CBARP: variants seen among roughly 807,000 people sequenced by gnomAD.
CBARP encodes CACN subunit beta associated regulatory protein.
In CBARP, 24 loss-of-function variants were observed where a neutral mutation model predicts 36.3. The observed-to-expected ratio is 0.66, with a 90% CI of 0.48 to 0.93. The LOEUF is 0.93. Ranked by LOEUF, CBARP falls within the 40% of genes least tolerant of loss-of-function variation. The pLI is 0.00. For synonymous variants in CBARP, 586 were observed against 453.2 expected (o/e 1.29, Z -3.72); for missense variants, 1,146 against 980.4 (o/e 1.17, Z -2.26).
intron 9 of CBARP, chr19:1,230,590 C>G (rs759956048): frequency 8.5e-7 from 1 of 1,178,096 alleles, no homozygotes; most frequent in Non-Finnish European, 1.1e-6. Context: ...GAGGGTCACC[C>G]GCCATACCAG....
Position 1,237,796 on chromosome 19 carries a change from G to T in CBARP, c.-62C>A, listed in dbSNP as rs1260889303. 6.7e-6 allele frequency: 1 copy of T among 149,252 alleles called. No homozygotes were observed. The highest frequency in any genetic ancestry group is 2.4e-5 in the African/African-American group (1 of 41,114). The allele number at this position is 149,252 out of a possible 1,614,324, so 9.2% of individuals were successfully genotyped here. A position where few individuals can be genotyped will look rare whatever the true frequency, so the allele number is the denominator to read the frequency against. On this transcript the variant is annotated 5_prime_UTR_variant, in exon 1 of 10. Coordinates refer to ENST00000650044, the MANE Select transcript of CBARP (RefSeq NM_001393918.1). ...AGCGGCCCATGGGCGGCGGGCTGGC[G>T]GCGGGCGGCTGCGTGGCGCTCGCGG... is the stretch of plus-strand genomic sequence containing the variant.
At position 1,229,878 on chromosome 19, in the gene CBARP, G is replaced by C; in HGVS notation, c.1419C>G (p.Ser473=). ...GCGGGAAGGCGGGCGCCGCGCCCCC[G>C]GAGCCTGAGCCCGAGCTGTCGCCGC... ...VRSGDSSGSG[S]GGAAPAFPPP... is the part of the protein sequence containing the mutation. Residue 473 remains serine (S), a synonymous_variant, in exon 10 of 10, where the codon TCC becomes TCG. Transcript: ENST00000650044. The surrounding 1 kb of genome is among the most constrained non-coding windows in gnomAD (Gnocchi z 5.1). 2.0e-6 allele frequency: 2 copies of C among 1,014,686 alleles called. No homozygotes were observed. Among genetic ancestry groups the C allele is most frequent in the Non-Finnish European group, 2.4e-6 (2 of 844,708 alleles). 62.9% of individuals were successfully genotyped at this position (1,014,686 alleles called of 1,614,324 possible). A position where few individuals can be genotyped will look rare whatever the true frequency, so the allele number is the denominator to read the frequency against.
rs1056699948 is a variant in CBARP at position 1,237,752 on chromosome 19, C to T, written c.-22+4G>A. 2 of 150,830 alleles carry T rather than the reference C, an allele frequency of 1.3e-5. No homozygotes were observed. Among genetic ancestry groups the T allele is most frequent in the Non-Finnish European group, 3.0e-5 (2 of 67,516 alleles). The allele number at this position is 150,830 out of a possible 1,614,324, so 9.3% of individuals were successfully genotyped here. On this transcript the variant is annotated splice_donor_region_variant and intron_variant, in intron 1 of 9. Coordinates refer to ENST00000650044, the MANE Select transcript of CBARP (RefSeq NM_001393918.1). ...CCCCGCAGCCCCGAGCCCGCCGCGC[C>T]TACCTCAGCGCCGGGACGAGCGGCC...
In CBARP at chr19:1,231,272, G is replaced by T; in HGVS notation, c.983C>A (p.Ser328Tyr). 1 of 1,600,080 alleles carries T rather than the reference G, an allele frequency of 6.2e-7. No homozygotes were observed. Among genetic ancestry groups the T allele is most frequent in the Non-Finnish European group, 8.5e-7 (1 of 1,179,398 alleles). ...CCGCTGGAAGTGGTGCCGCTTGGGG[G>T]AACCTGCGCACGGGATGTGCCGTAA... is the stretch of plus-strand genomic sequence containing the variant. ...QRAASLDTRG[S>Y]PKRHHFQRQR... Residue 328 changes from serine to tyrosine, a missense_variant, in exon 9 of 10, where the codon TCC becomes TAC. Ser to Tyr is a moderately radical substitution (Grantham distance 144, BLOSUM62 -2). Coordinates refer to ENST00000650044, the MANE Select transcript of CBARP (RefSeq NM_001393918.1).
At chr19:1,230,787 G>T in intron 9 of CBARP, 1 of 1,395,634 alleles carries the variant, frequency 7.2e-7, no homozygotes, top group South Asian at 1.7e-5. Context: ...GGGTGGGAGA[G>T]GGCCTGGGAC....
chr19:1,229,128 C>G lies in CBARP; in HGVS notation c.*51G>C. 2 of 797,244 alleles carry G rather than the reference C, an allele frequency of 2.5e-6. No homozygotes were observed. The highest frequency in any genetic ancestry group is 3.1e-6 in the Non-Finnish European group (2 of 645,968). The allele number at this position is 797,244 out of a possible 1,614,324, so 49.4% of individuals were successfully genotyped here. The stretch of plus-strand genomic sequence containing the variant: ...CCCACGTCTCTCCCGCCGCCGAGGC[C>G]CCGTGCGGCGCCGGAGAAGCTGCCA... On this transcript the variant is annotated 3_prime_UTR_variant, in exon 10 of 10. Coordinates refer to ENST00000650044, the MANE Select transcript of CBARP (RefSeq NM_001393918.1). This position sits in a 1 kb window ranked among gnomAD's most constrained non-coding sequence, Gnocchi z 5.1.
chr19:1,235,412 C>CAG (rs2080954336), intron 4 of CBARP, 89 bp downstream of exon 4: 7 of 1,362,650 alleles, frequency 5.1e-6, no homozygotes, highest in Non-Finnish European at 6.9e-6. Context: ...GACAGACAGA[C>CAG]ACAGACGGTC....
Position 1,231,090 on chromosome 19 carries a change from C to T in CBARP, c.1154+11G>A. ...GGTCCACCCCTAGCACCTCCATCTACTGAAAAATACCTGCCGAGAGCAGGG... is the reference window on the plus strand; with the variant it reads ...GGTCCACCCCTAGCACCTCCATCTATTGAAAAATACCTGCCGAGAGCAGGG... On this transcript the variant is annotated intron_variant, in intron 9 of 9. Transcript: ENST00000650044. 6.3e-7 allele frequency: 1 copy of T among 1,594,234 alleles called. No homozygotes were observed. Among genetic ancestry groups the T allele is most frequent in the Non-Finnish European group, 8.6e-7 (1 of 1,168,724 alleles).
intron 8 of CBARP, among the ~76,000 whole-genome samples, chr19:1,231,808 C>T (rs1229050412): frequency 2.6e-5 from 4 of 151,802 alleles, no homozygotes; most frequent in Admixed American, 6.6e-5. Context: ...AACTGAGGCA[C>T]GGAGGGAAGA....
Position 1,236,020 on chromosome 19 carries a change from C to A in CBARP, c.81G>T (p.Trp27Cys). ...TTATVALTTS[W>C]DNATGRPTAE... ...CCGTGGGGCGTCCAGTGGCATTGTC[C>A]CACGACGTCGTCAGGGCTACTGTGG... Residue 27 changes from tryptophan (W) to cysteine (C), a missense_variant, in exon 2 of 10, where the codon TGG becomes TGT. Physicochemically the swap from Trp to Cys is radical, Grantham distance 215. Coordinates refer to ENST00000650044, the MANE Select transcript of CBARP (RefSeq NM_001393918.1). The A allele has an allele frequency of 6.5e-7, 1 of 1,545,496 alleles. No homozygotes were observed. The highest frequency in any genetic ancestry group is 8.7e-7 in the Non-Finnish European group (1 of 1,145,272).
chr19:1,232,951 C>T (rs1441403569), intron 8 of CBARP, among the ~76,000 whole-genome samples: 2 of 152,268 alleles, frequency 1.3e-5, no homozygotes, highest in African/African-American at 4.8e-5. Flanking sequence ...GGCAGAGGGC[C>T]TCGGCCAAGG....
intron 7 of CBARP, 117 bp from the exon 8 acceptor site, chr19:1,233,753 G>A: frequency 9.9e-7 from 1 of 1,011,690 alleles, no homozygotes; most frequent in Non-Finnish European, 1.4e-6. Flanking sequence ...CTGGGACAGA[G>A]AGGGGTACCT....
chr19:1,229,243 G>A lies in CBARP; in HGVS notation c.2054C>T (p.Pro685Leu), dbSNP rs1452181243. The A allele has an allele frequency of 2.4e-6, 3 of 1,239,170 alleles. No individual in the cohort carries two copies. Among genetic ancestry groups the A allele is most frequent in the Non-Finnish European group, 3.1e-6 (3 of 966,708 alleles). The allele number at this position is 1,239,170 out of a possible 1,614,324, so 76.8% of individuals were successfully genotyped here. A position where few individuals can be genotyped will look rare whatever the true frequency, so the allele number is the denominator to read the frequency against. ...GACCAACGCGGGAGTCGCCACGACG[G>A]GCTCGGCGAGGCGCGGCGGAAAGAG... ...ERLFPPRLAE[P>L]VVATPALVAA... Residue 685 changes from proline to leucine, a missense_variant, in exon 10 of 10, where the codon CCC (proline) becomes CTC (leucine). By Grantham distance (98) the Pro-to-Leu change is moderately conservative (BLOSUM62 -3). Transcript: ENST00000650044. This position sits in a 1 kb window ranked among gnomAD's most constrained non-coding sequence, Gnocchi z 5.1.
intron 5 of CBARP, 127 bp downstream of exon 5, chr19:1,234,874 A>AC (rs2080943970): frequency 6.7e-7 from 1 of 1,496,330 alleles, no homozygotes; most frequent in South Asian, 1.3e-5. Context: ...AGGCCGCCCC[A>AC]CCCCACGGTC....
Position 1,231,492 on chromosome 19 carries a change from T to C in CBARP, c.980-217A>G, listed in dbSNP as rs1275739639. ...ACACACAGAACGCCTGTGGCCCCCATACACACACATAGAACGCCTGTGCCC... is the reference window on the plus strand; with the variant it reads ...ACACACAGAACGCCTGTGGCCCCCACACACACACATAGAACGCCTGTGCCC... On this transcript the variant is annotated intron_variant, in intron 8 of 9. Coordinates refer to ENST00000650044, the MANE Select transcript of CBARP (RefSeq NM_001393918.1). 7.0e-5 allele frequency among the ~76,000 whole-genome samples: 4 copies of C among 57,120 alleles called. No homozygotes were observed. In the South Asian group the frequency reaches 2.3e-3, roughly 33 times the overall value. 37.5% of individuals were successfully genotyped at this position (57,120 alleles called of 152,430 possible). A position where few individuals can be genotyped will look rare whatever the true frequency, so the allele number is the denominator to read the frequency against.
Position 1,234,326 on chromosome 19 carries a change from CG to C in CBARP, c.632del (p.Pro211ArgfsTer176). The C allele has an allele frequency of 1.4e-6, 2 of 1,442,634 alleles. No homozygotes were observed. The highest frequency in any genetic ancestry group is 2.5e-5 in the East Asian group (1 of 39,402). The allele number at this position is 1,442,634 out of a possible 1,614,324, so 89.4% of individuals were successfully genotyped here. On this transcript the variant is annotated frameshift_variant, in exon 7 of 10. Transcript: ENST00000650044. LOFTEE classifies it high-confidence loss of function. ...PKATLAIFQP[P>X]GKALTGRSVG... ...CAGAGCGGCCGGTGAGGGCCTTCCCCGGGGGCTGTGGGACAGAGCCAGGTGG... is the reference window on the plus strand; with the variant it reads ...CAGAGCGGCCGGTGAGGGCCTTCCCCGGGGCTGTGGGACAGAGCCAGGTGG...
In CBARP at chr19:1,229,869, C is replaced by T; in HGVS notation, c.1428G>A (p.Ala476=). The T allele has an allele frequency of 1.0e-6, 1 of 991,820 alleles. No individual in the cohort carries two copies. The highest frequency in any genetic ancestry group is 1.8e-5 in the African/African-American group (1 of 56,886). The allele number at this position is 991,820 out of a possible 1,614,324, so 61.4% of individuals were successfully genotyped here. A position where few individuals can be genotyped will look rare whatever the true frequency, so the allele number is the denominator to read the frequency against. The change falls in exon 10 of 10, where the codon GCG becomes GCA. Residue 476 remains alanine (A), a synonymous_variant. Coordinates refer to ENST00000650044, the MANE Select transcript of CBARP (RefSeq NM_001393918.1). This position sits in a 1 kb window ranked among gnomAD's most constrained non-coding sequence, Gnocchi z 5.1. ...GDSSGSGSGG[A]APAFPPPSPP... ...GGGAGGGCGGCGGGAAGGCGGGCGC[C>T]GCGCCCCCGGAGCCTGAGCCCGAGC...
rs370736390 is a variant in CBARP at position 1,235,576 on chromosome 19, C to T, written c.246-11G>A. On this transcript the variant is annotated splice_polypyrimidine_tract_variant and intron_variant, in intron 3 of 9. Coordinates refer to ENST00000650044, the MANE Select transcript of CBARP (RefSeq NM_001393918.1). ...GCTTCCTCCATGGCCCTGGGAGAGA[C>T]GTTGGGAGAGCCCAGTGGCACGGAG... 1.7e-5 allele frequency: 27 copies of T among 1,607,044 alleles called. 1 individual carries two copies. Among genetic ancestry groups the T allele is most frequent in the Middle Eastern group, 1.7e-4 (1 of 6,038 alleles).
chr19:1,236,155 A>T, intron 1 of CBARP, 34 bp from the exon 2 acceptor site: 1 of 1,376,708 alleles, frequency 7.3e-7, no homozygotes, highest in Non-Finnish European at 9.3e-7. Flanking sequence ...CTCCAGCTAG[A>T]CCTACTTCTC....
Sources: allele counts gnomAD v4.1 joint callset (sites outside exome capture counted in the v4.1 genomes callset), GRCh38; gene constraint gnomAD v4.1.1; non-coding constraint Gnocchi (gnomAD v3.1); transcripts MANE v1.5; gene names NCBI Gene and HGNC (gene_info 2026-07-23, HGNC 2026-07-21).